Variants in B4GALNT3 observed in about 807,000 individuals in gnomAD.
The protein encoded by B4GALNT3 is beta-1,4-N-acetylgalactosaminyltransferase 3.
B4GALNT3 carries 86 observed loss-of-function variants against 120.2 expected under a neutral mutation model. The observed-to-expected ratio is 0.72, with a 90% CI of 0.60 to 0.86. The LOEUF is 0.86. Ranked by LOEUF, B4GALNT3 falls within the 40% of genes least tolerant of loss-of-function variation. The pLI, the probability that B4GALNT3 is intolerant of heterozygous loss-of-function variation, is 0.00. For missense variants in B4GALNT3, 1,167 were observed against 1,298.9 expected, an observed-to-expected ratio of 0.90 and a Z score of 1.56; for synonymous variants, 518 against 510.4, an observed-to-expected ratio of 1.01 and a Z score of -0.20.
intron 1 of B4GALNT3, among the ~76,000 whole-genome samples, chr12:501,166 C>T (rs1489366575): frequency 1.3e-5 from 2 of 152,084 alleles, no homozygotes; most frequent in Non-Finnish European, 2.9e-5. Flanking sequence ...TGAGCCATTG[C>T]GCTGGCCCCA....
chr12:553,551 A>T lies in B4GALNT3; in HGVS notation c.1628A>T (p.Gln543Leu). The change falls in exon 14 of 20, where the codon CAG becomes CTG. Residue 543 changes from glutamine (Q) to leucine (L), a missense_variant. Transcript: ENST00000266383. ...GGGCACCCTGTGAAGAACCTGCCTC[A>T]GATGAGGGGGCCCAGGCCCAGGCCC... ...PPGHPVKNLPQMRGPRPRPAG... is the reference protein window; with the variant it reads ...PPGHPVKNLPLMRGPRPRPAG... 1 of 1,613,976 alleles carries T rather than the reference A, an allele frequency of 6.2e-7. No homozygotes were observed. The highest frequency in any genetic ancestry group is 8.5e-7 in the Non-Finnish European group (1 of 1,179,922).
Position 556,878 on chromosome 12 carries a change from G to C in B4GALNT3, c.2380+12G>C. The C allele has an allele frequency of 6.3e-7, 1 of 1,592,644 alleles. No homozygotes were observed. The highest frequency in any genetic ancestry group is 8.6e-7 in the Non-Finnish European group (1 of 1,165,458). ...CTTCGTCGTGCCTGGTGAGCCTCAA[G>C]CTGAGCCTCGGCATTCTCAGGGGCG... On this transcript the variant is annotated intron_variant, in intron 15 of 19. Coordinates refer to ENST00000266383, the MANE Select transcript of B4GALNT3 (RefSeq NM_173593.4).
Position 460,320 on chromosome 12 carries a change from G to C in B4GALNT3, c.-57G>C. On this transcript the variant is annotated 5_prime_UTR_variant, in exon 1 of 20. Transcript: ENST00000266383. The surrounding 1 kb of genome is among the most constrained non-coding windows in gnomAD (Gnocchi z 8.0). ...CCCTGGGCGCGGGGCCCGGCCGGGGGGCGGCGGCTCGGGGGGTTGGAGCCC... is the reference window on the plus strand; with the variant it reads ...CCCTGGGCGCGGGGCCCGGCCGGGGCGCGGCGGCTCGGGGGGTTGGAGCCC... 1.0e-6 allele frequency: 1 copy of C among 980,550 alleles called. No homozygotes were observed. Among genetic ancestry groups the C allele is most frequent in the Non-Finnish European group, 1.2e-6 (1 of 826,536 alleles). The allele number at this position is 980,550 out of a possible 1,614,324, so 60.7% of individuals were successfully genotyped here.
intron 1 of B4GALNT3, among the ~76,000 whole-genome samples, chr12:521,619 A>G (rs1345511982): frequency 2.0e-5 from 3 of 152,214 alleles, no homozygotes; most frequent in Non-Finnish European, 4.4e-5. Context: ...TCACTGAGTG[A>G]CATGGTCCTG....
intron 1 of B4GALNT3, among the ~76,000 whole-genome samples, chr12:466,018 G>A (rs1946075207): frequency 7.1e-6 from 1 of 139,920 alleles, no homozygotes; most frequent in South Asian, 2.4e-4. Context: ...CCCTGTCCTG[G>A]GAGTTGAGGT....
intron 3 of B4GALNT3, among the ~76,000 whole-genome samples, chr12:541,380 A>G (rs964892184): frequency 5.3e-5 from 8 of 152,226 alleles, no homozygotes; most frequent in Admixed American, 5.2e-4. Context: ...ACCATTGGCC[A>G]TAGACATGCT....
chr12:557,285 T>C (rs1242213260), intron 15 of B4GALNT3, among the ~76,000 whole-genome samples: 2 of 152,200 alleles, frequency 1.3e-5, no homozygotes, highest in Admixed American at 6.5e-5. Context: ...ACGACGATAC[T>C]AAGAGGGACA....
chr12:490,119 T>C (rs1360138748), intron 1 of B4GALNT3, among the ~76,000 whole-genome samples: 3 of 152,100 alleles, frequency 2.0e-5, no homozygotes, highest in Admixed American at 1.3e-4. Context: ...TAGAGGGAAA[T>C]TTATAACACT....
intron 1 of B4GALNT3, among the ~76,000 whole-genome samples, chr12:504,346 A>G (rs540184587): frequency 2.0e-5 from 3 of 151,186 alleles, no homozygotes; most frequent in Non-Finnish European, 4.4e-5. Flanking sequence ...ATCCAATACT[A>G]TACACCAGAA....
chr12:475,797 G>T (rs1239283579), intron 1 of B4GALNT3, among the ~76,000 whole-genome samples: 1 of 152,120 alleles, frequency 6.6e-6, no homozygotes, highest in Admixed American at 6.6e-5. Context: ...GCGTGTCCCA[G>T]CTAGGTTGCT....
intron 1 of B4GALNT3, among the ~76,000 whole-genome samples, chr12:485,821 A>G (rs1030533791): frequency 6.6e-6 from 1 of 152,188 alleles, no homozygotes; most frequent in Non-Finnish European, 1.5e-5. Context: ...ACCACAAGTA[A>G]AGAGCTGAAC....
In B4GALNT3 at chr12:536,589, C is replaced by G. The variant is rs1946863028; in HGVS notation, c.351+294C>G. Among the ~76,000 whole-genome samples the G allele has an allele frequency of 2.0e-5, 3 of 152,220 alleles. 1 individual carries two copies. The South Asian group carries it at 6.2e-4, about 31-fold the overall frequency. On this transcript the variant is annotated intron_variant, in intron 3 of 19. Transcript: ENST00000266383. The stretch of plus-strand genomic sequence containing the variant: ...TCTCAAACTTCTGGGCTCAAGCGAT[C>G]CTCCAGCTTCAGCCTCCTGACTAGC...
chr12:550,491 A>C lies in B4GALNT3; in HGVS notation c.998-431A>C, dbSNP rs538936458. On this transcript the variant is annotated intron_variant, in intron 10 of 19. Transcript: ENST00000266383. This position sits in a 1 kb window ranked among gnomAD's most constrained non-coding sequence, Gnocchi z 4.1. Reference sequence around the variant, plus strand: ...GTGACAGAGTGAGATCCTGTCAAAAAAAACAAACAAACAAAAAAAACAACA... The same window carrying C: ...GTGACAGAGTGAGATCCTGTCAAAACAAACAAACAAACAAAAAAAACAACA... 1.6e-3 allele frequency among the ~76,000 whole-genome samples: 240 copies of C among 152,212 alleles called. 1 individual carries two copies. Among genetic ancestry groups the C allele is most frequent in the East Asian group, 0.011 (59 of 5,174 alleles).
intron 1 of B4GALNT3, among the ~76,000 whole-genome samples, chr12:492,044 C>T (rs995190810): frequency 4.5e-5 from 6 of 132,696 alleles, no homozygotes; most frequent in Admixed American, 8.1e-5. Flanking sequence ...GGCACCAGAA[C>T]GAGACCGTCT....
At chr12:472,535 TC>T (rs1173423553) in intron 1 of B4GALNT3, among the ~76,000 whole-genome samples, 2 of 152,226 alleles carry the variant, frequency 1.3e-5, no homozygotes, top group Non-Finnish European at 2.9e-5. Flanking sequence ...CCTCCCGGGT[TC>T]ACGCCATTCT....
At chr12:557,966 G>A (rs756094931) in intron 16 of B4GALNT3, 50 bp from the exon 17 acceptor site, 2 of 1,591,620 alleles carry the variant, frequency 1.3e-6, no homozygotes, top group South Asian at 1.1e-5. Flanking sequence ...TCCTCCAGGG[G>A]ACCACCGCAG....
At chr12:512,231 A>C (rs1245938583) in intron 1 of B4GALNT3, among the ~76,000 whole-genome samples, 3 of 46,206 alleles carry the variant, frequency 6.5e-5, no homozygotes, top group South Asian at 9.3e-4. Context: ...ACCTTCTTCC[A>C]CCTTCCACCT....
intron 1 of B4GALNT3, among the ~76,000 whole-genome samples, chr12:474,884 G>A (rs1946168633): frequency 8.5e-6 from 1 of 117,572 alleles, no homozygotes; most frequent in South Asian, 3.3e-4. Flanking sequence ...GGGAGGCAGA[G>A]GTTGCAGTGA....
intron 1 of B4GALNT3, among the ~76,000 whole-genome samples, chr12:498,081 G>A (rs1037145020): frequency 2.0e-5 from 3 of 151,740 alleles, no homozygotes; most frequent in African/African-American, 7.3e-5. Context: ...ATACACACAC[G>A]CCCCTTCACT....
Sources: allele counts gnomAD v4.1 joint callset (sites outside exome capture counted in the v4.1 genomes callset), GRCh38; gene constraint gnomAD v4.1.1; non-coding constraint Gnocchi (gnomAD v3.1); transcripts MANE v1.5; gene names NCBI Gene and HGNC (gene_info 2026-07-23, HGNC 2026-07-21).